The following RGP1 variants were observed in gnomAD, a reference collection of about 807,000 sequenced individuals.
RGP1 encodes the protein RGP1 partner of RAB6A GEF complex.
A neutral mutation model predicts 44.5 loss-of-function variants in RGP1; 28 were observed. That is an observed-to-expected ratio of 0.63 (90% CI 0.47 to 0.86). The LOEUF is 0.86. Among genes scored for constraint, RGP1 ranks in the 40% least tolerant of loss-of-function variants. RGP1 has a pLI of 0.00. For synonymous variants in RGP1, 212 were observed against 196.7 expected (o/e 1.08, Z -0.65); for missense variants, 417 against 490.7 (o/e 0.85, Z 1.42).
At position 35,755,898 on chromosome 9, in the gene RGP1, G is replaced by A. The variant is rs1432330130; in HGVS notation, c.*3024G>A. On this transcript the variant is annotated 3_prime_UTR_variant, in exon 9 of 9. Transcript: ENST00000378078. ...TTGGCCCTTGTATTGACTTCTGAAT[G>A]TCTAGTTTGAGAAACTGTTCCCAAT... 6.6e-6 allele frequency: 1 copy of A among 152,264 alleles called. No individual in the cohort carries two copies. Among genetic ancestry groups the A allele is most frequent in the Non-Finnish European group, 1.5e-5 (1 of 68,100 alleles). 9.4% of individuals were successfully genotyped at this position (152,264 alleles called of 1,614,324 possible).
In RGP1 at chr9:35,753,821, A is replaced by G; in HGVS notation, c.*947A>G. 6.4e-7 allele frequency: 1 copy of G among 1,556,228 alleles called. No individual in the cohort carries two copies. The highest frequency in any genetic ancestry group is 8.9e-7 in the Non-Finnish European group (1 of 1,129,298). On this transcript the variant is annotated 3_prime_UTR_variant, in exon 9 of 9. Coordinates refer to ENST00000378078, the MANE Select transcript of RGP1 (RefSeq NM_001080496.3). The surrounding 1 kb of genome is among the most constrained non-coding windows in gnomAD (Gnocchi z 4.2). ...GTGTAGGAGTGCTGATGAGAGGCAG[A>G]GGCTCTTCTGGTCTGGGGTGGAGAC...
chr9:35,750,724 C>T lies in RGP1; in HGVS notation c.320C>T (p.Pro107Leu). 6.2e-7 allele frequency: 1 copy of T among 1,614,012 alleles called. No individual in the cohort carries two copies. The highest frequency in any genetic ancestry group is 8.5e-7 in the Non-Finnish European group (1 of 1,179,894). ...KILFCDLRLD[P>L]GESKSYSYSE... ...CTATTCTGTGACCTGAGGCTTGATC[C>T]TGGAGAGTCCAAATCATGTGAGTGA... Residue 107 changes from proline to leucine, a missense_variant, in exon 4 of 9, where the codon CCT becomes CTT. By Grantham distance (98) the Pro-to-Leu change is moderately conservative (BLOSUM62 -3). Transcript: ENST00000378078.
the RGP1 span, among the ~76,000 whole-genome samples, chr9:35,781,427 A>C: frequency 4.9e-5 from 1 of 20,522 alleles, no homozygotes; most frequent in African/African-American, 2.1e-4. Flanking sequence ...GGGGGCAGGC[A>C]GGAGGGGGTG....
chr9:35,786,871 A>C, the RGP1 span: 3 of 152,008 alleles, frequency 2.0e-5, no homozygotes, highest in Non-Finnish European at 2.9e-5. Flanking sequence ...CGAGGTGGGC[A>C]GATCACGAGG....
At chr9:35,769,246 T>C in the RGP1 span, among the ~76,000 whole-genome samples, 1 of 152,260 alleles carries the variant, frequency 6.6e-6, no homozygotes, top group Non-Finnish European at 1.5e-5. Flanking sequence ...ACACATCTAC[T>C]GTACCTGGCC....
the RGP1 span, among the ~76,000 whole-genome samples, chr9:35,784,272 GC>G: frequency 1.3e-5 from 2 of 152,210 alleles, no homozygotes; most frequent in East Asian, 3.9e-4. Flanking sequence ...CTGTGAAGAA[GC>G]TTTTTAATTT....
chr9:35,760,040 C>CT (rs766951324), downstream of RGP1, among the ~76,000 whole-genome samples: 3 of 152,078 alleles, frequency 2.0e-5, no homozygotes, highest in Non-Finnish European at 4.4e-5. Flanking sequence ...GCGCCTCAGC[C>CT]TCCTTTGATC....
chr9:35,774,714 ACTCTGTCT>A, the RGP1 span, among the ~76,000 whole-genome samples: 1 of 151,984 alleles, frequency 6.6e-6, no homozygotes, highest in South Asian at 2.1e-4. Flanking sequence ...ACAGAGCAAG[ACTCTGTCT>A]CAAAAACAAA....
At chr9:35,782,723 G>C in the RGP1 span, among the ~76,000 whole-genome samples, 2 of 152,004 alleles carry the variant, frequency 1.3e-5, no homozygotes, top group Non-Finnish European at 2.9e-5. Flanking sequence ...TGGAATTACA[G>C]GTGTGAGCCA....
downstream of RGP1, among the ~76,000 whole-genome samples, chr9:35,759,984 C>T (rs1827405220): frequency 6.7e-6 from 1 of 149,970 alleles, no homozygotes; most frequent in Admixed American, 6.7e-5. Context: ...TACAAATGGG[C>T]TGCGTCCACT....
At chr9:35,788,308 C>T in the RGP1 span, among the ~76,000 whole-genome samples, 4 of 152,188 alleles carry the variant, frequency 2.6e-5, no homozygotes, top group African/African-American at 9.7e-5. Context: ...GTGGCTTACG[C>T]CTGTAATCCC....
the RGP1 span, among the ~76,000 whole-genome samples, chr9:35,770,495 G>GAGAGAGAGAT: frequency 6.5e-5 from 1 of 15,360 alleles, no homozygotes; most frequent in African/African-American, 1.5e-4. Context: ...TTACCATGGA[G>GAGAGAGAGAT]AGAGAGAGAG....
At chr9:35,764,964 A>G in the RGP1 span, among the ~76,000 whole-genome samples, 1 of 152,082 alleles carries the variant, frequency 6.6e-6, no homozygotes, top group African/African-American at 2.4e-5. Context: ...TGTCTTGACT[A>G]AAAATACAAA....
Position 35,753,380 on chromosome 9 carries a change from C to T in RGP1, c.*506C>T. 7.5e-7 allele frequency: 1 copy of T among 1,331,942 alleles called. No individual in the cohort carries two copies. Among genetic ancestry groups the T allele is most frequent in the East Asian group, 2.4e-5 (1 of 41,478 alleles). The allele number at this position is 1,331,942 out of a possible 1,614,324, so 82.5% of individuals were successfully genotyped here. A position where few individuals can be genotyped will look rare whatever the true frequency, so the allele number is the denominator to read the frequency against. On this transcript the variant is annotated 3_prime_UTR_variant, in exon 9 of 9. Transcript: ENST00000378078. The surrounding 1 kb of genome is among the most constrained non-coding windows in gnomAD (Gnocchi z 4.2). Reference sequence around the variant, plus strand: ...CTCACAGTTTTCCCCCCACAGAGCCCCTTTCAGTGGCCCCTTGGTCCTCCT... The same window carrying T: ...CTCACAGTTTTCCCCCCACAGAGCCTCTTTCAGTGGCCCCTTGGTCCTCCT...
the RGP1 span, chr9:35,780,687 A>G: frequency 6.6e-6 from 1 of 152,282 alleles, no homozygotes; most frequent in Non-Finnish European, 1.5e-5. Flanking sequence ...CCTGGGCAAC[A>G]TGGTGAAACT....
the RGP1 span, chr9:35,780,370 T>C: frequency 6.6e-6 from 1 of 152,184 alleles, no homozygotes; most frequent in African/African-American, 2.4e-5. Context: ...GAGCAGAGTG[T>C]TATGGACTCT....
rs963129626 is a variant in RGP1 at position 35,755,974 on chromosome 9, G to A, written c.*3100G>A. 2.0e-5 allele frequency: 3 copies of A among 152,258 alleles called. No individual in the cohort carries two copies. The highest frequency in any genetic ancestry group is 4.8e-5 in the African/African-American group (2 of 41,430). 9.4% of individuals were successfully genotyped at this position (152,258 alleles called of 1,614,324 possible). On this transcript the variant is annotated 3_prime_UTR_variant, in exon 9 of 9. Transcript: ENST00000378078. ...CCTCGCCTCTACCCTAGGACAAGATGTCCTTTTCTCATCATCCTGCCAGGC... is the reference window on the plus strand; with the variant it reads ...CCTCGCCTCTACCCTAGGACAAGATATCCTTTTCTCATCATCCTGCCAGGC...
the RGP1 span, among the ~76,000 whole-genome samples, chr9:35,783,944 C>T: frequency 3.3e-5 from 5 of 152,240 alleles, no homozygotes; most frequent in African/African-American, 7.2e-5. Flanking sequence ...TCCTCATGAG[C>T]GTTTGTTAAT....
In RGP1 at chr9:35,752,801, A is replaced by G; in HGVS notation, c.1103A>G (p.Lys368Arg). 2 of 1,613,828 alleles carry G rather than the reference A, an allele frequency of 1.2e-6. No homozygotes were observed. The highest frequency in any genetic ancestry group is 1.7e-6 in the Non-Finnish European group (2 of 1,179,818). The stretch of plus-strand genomic sequence containing the variant: ...ACCTTCAGCTGGGACCTGCCCATCA[A>G]GGTGCTGCCTACTAGCCCCACCCTG... ...VDTFSWDLPIKVLPTSPTLAS... is the reference protein window; with the variant it reads ...VDTFSWDLPIRVLPTSPTLAS... The change falls in exon 9 of 9, where the codon AAG becomes AGG. Residue 368 changes from lysine to arginine, a missense_variant. Physicochemically the swap from Lys to Arg is conservative, Grantham distance 26 (BLOSUM62 2). Transcript: ENST00000378078.
Sources: gnomAD v4.1 joint callset for allele counts (sites outside exome capture counted in the v4.1 genomes callset) on GRCh38, gnomAD v4.1.1 for gene constraint, Gnocchi (gnomAD v3.1) non-coding constraint, MANE v1.5 for transcripts, NCBI Gene and HGNC (gene_info 2026-07-23, HGNC 2026-07-21) for gene names.